KIF15: variants seen among roughly 807,000 people sequenced by gnomAD.
KIF15 encodes kinesin-like protein KIF15.
In KIF15, 140 loss-of-function variants were observed where a neutral mutation model predicts 190.6. The observed-to-expected ratio is 0.73, with a 90% CI of 0.64 to 0.84. KIF15 has a LOEUF of 0.84. Ranked by LOEUF, KIF15 falls within the 40% of genes least tolerant of loss-of-function variation. The pLI is 0.00. For synonymous variants in KIF15, 528 were observed against 551.3 expected, an observed-to-expected ratio of 0.96 and a Z score of 0.59; for missense variants, 1,372 against 1,584.4, an observed-to-expected ratio of 0.87 and a Z score of 2.28.
Position 44,821,800 on chromosome 3 carries a change from T to C in KIF15, c.2550-4239T>C, listed in dbSNP as rs1341659303. On this transcript the variant is annotated intron_variant, in intron 20 of 34. Coordinates refer to ENST00000326047, the MANE Select transcript of KIF15 (RefSeq NM_020242.3). The stretch of plus-strand genomic sequence containing the variant: ...CTGGGAGGTGGAGGTTGTAGCGAGC[T>C]GAGATCACGCCACTGCACTCCAGCC... Among the ~76,000 whole-genome samples, 8 of 152,292 alleles carry C rather than the reference T, an allele frequency of 5.3e-5. No individual in the cohort carries two copies. The East Asian group carries it at 1.4e-3, about 26-fold the overall frequency.
At chr3:44,827,071 A>C in intron 22 of KIF15, 1 of 457,010 alleles carries the variant, frequency 2.2e-6, no homozygotes, top group South Asian at 1.6e-5. Flanking sequence ...TCATTTATTC[A>C]AACATTTATT....
At chr3:44,807,301 T>A (rs1707552398) in intron 16 of KIF15, among the ~76,000 whole-genome samples, 1 of 151,914 alleles carries the variant, frequency 6.6e-6, no homozygotes, top group South Asian at 2.1e-4. Flanking sequence ...CTTGGCTCAC[T>A]GCAACCTCTG....
intron 14 of KIF15, 85 bp from the exon 15 acceptor site, chr3:44,804,942 C>A: frequency 7.3e-7 from 1 of 1,364,972 alleles, no homozygotes; most frequent in Non-Finnish European, 1.0e-6. Context: ...TTGTGAATAG[C>A]CACTGCACTC....
chr3:44,807,645 T>C (rs537866547), intron 16 of KIF15, among the ~76,000 whole-genome samples: 33 of 152,278 alleles, frequency 2.2e-4, no homozygotes, highest in Middle Eastern at 6.8e-3. Flanking sequence ...AAGTATTTTC[T>C]CACTTTACAC....
At chr3:44,780,643 T>C (rs1222588486) in intron 4 of KIF15, among the ~76,000 whole-genome samples, 3 of 152,152 alleles carry the variant, frequency 2.0e-5, no homozygotes, top group Non-Finnish European at 2.9e-5. Flanking sequence ...AAAAATTAAA[T>C]GAAAACTCTG....
At chr3:44,839,286 T>C (rs984270808) in intron 27 of KIF15, among the ~76,000 whole-genome samples, 6 of 151,730 alleles carry the variant, frequency 4.0e-5, no homozygotes, top group African/African-American at 1.5e-4. Context: ...GGCAGGAGAA[T>C]GGTGTGAACC....
At chr3:44,762,520 GTGTACGT>G (rs779245855) in intron 1 of KIF15, among the ~76,000 whole-genome samples, 17 of 152,190 alleles carry the variant, frequency 1.1e-4, no homozygotes, top group Admixed American at 3.3e-4. Context: ...TGCTGTGCCT[GTGTACGT>G]GCTCCACTTC....
chr3:44,795,297 C>T (rs1435846923), intron 8 of KIF15, among the ~76,000 whole-genome samples: 3 of 151,980 alleles, frequency 2.0e-5, no homozygotes, highest in Admixed American at 2.0e-4. Flanking sequence ...GGCAGGGGGG[C>T]ATCTCAAGGG....
intron 8 of KIF15, among the ~76,000 whole-genome samples, chr3:44,795,751 A>G (rs866351864): frequency 6.6e-6 from 1 of 152,190 alleles, no homozygotes; most frequent in African/African-American, 2.4e-5. Flanking sequence ...TAGAATATAC[A>G]TGGGCAAGGG....
chr3:44,854,983 G>A (rs1478894481), downstream of KIF15, among the ~76,000 whole-genome samples: 1 of 152,136 alleles, frequency 6.6e-6, no homozygotes, highest in Non-Finnish European at 1.5e-5. Context: ...TCTTTTTAAG[G>A]GACACAATTC....
rs73829685 is a variant in KIF15 at position 44,802,708 on chromosome 3, C to T, written c.1510-106C>T. 3.9e-4 allele frequency: 436 copies of T among 1,109,178 alleles called. No individual in the cohort carries two copies. The African/African-American group carries it at 6.2e-3, about 16-fold the overall frequency. The allele number at this position is 1,109,178 out of a possible 1,614,324, so 68.7% of individuals were successfully genotyped here. On this transcript the variant is annotated intron_variant, in intron 13 of 34. Transcript: ENST00000326047. ...CATGGTGGTTGCAGAAGGGTACCACCAGTAGTGCATGTGCATACCTAGTTT... is the reference window on the plus strand; with the variant it reads ...CATGGTGGTTGCAGAAGGGTACCACTAGTAGTGCATGTGCATACCTAGTTT...
intron 16 of KIF15, among the ~76,000 whole-genome samples, chr3:44,807,838 TATA>T (rs548930811): frequency 1.5e-3 from 227 of 152,316 alleles, no homozygotes; most frequent in African/African-American, 5.2e-3. Flanking sequence ...TATGTGGATA[TATA>T]ATGATTTATT....
intron 1 of KIF15, among the ~76,000 whole-genome samples, chr3:44,764,624 G>A (rs1481361353): frequency 6.6e-6 from 1 of 152,058 alleles, no homozygotes; most frequent in Non-Finnish European, 1.5e-5. Flanking sequence ...TACAGTGAAT[G>A]CCTATAGACT....
Position 44,763,539 on chromosome 3 carries a change from A to T in KIF15, c.19+1655A>T, listed in dbSNP as rs544369073. On this transcript the variant is annotated intron_variant, in intron 1 of 34. Coordinates refer to ENST00000326047, the MANE Select transcript of KIF15 (RefSeq NM_020242.3). ...ATGGTCTCGATCTCCTGACCTCGTG[A>T]TTTGCCCACCTTGGCCTCCCAAAGT... 1.8e-3 allele frequency among the ~76,000 whole-genome samples: 269 copies of T among 151,740 alleles called. 1 individual carries two copies. Among genetic ancestry groups the T allele is most frequent in the Non-Finnish European group, 3.3e-3 (223 of 67,918 alleles).
chr3:44,764,803 T>A (rs1325678684), intron 1 of KIF15, among the ~76,000 whole-genome samples: 1 of 152,058 alleles, frequency 6.6e-6, no homozygotes, highest in Non-Finnish European at 1.5e-5. Context: ...AGCCTGGCTA[T>A]TTTTTATATT....
At chr3:44,806,062 G>C in intron 16 of KIF15, 76 bp downstream of exon 16, 1 of 1,484,792 alleles carries the variant, frequency 6.7e-7, no homozygotes, top group Non-Finnish European at 9.2e-7. Flanking sequence ...AGTCTGCATG[G>C]TCTATCTCCA....
intron 6 of KIF15, among the ~76,000 whole-genome samples, chr3:44,868,340 ATTATGT>A (rs1425922373): frequency 6.6e-6 from 1 of 151,918 alleles, no homozygotes; most frequent in African/African-American, 2.4e-5. Flanking sequence ...GATCTACCAC[ATTATGT>A]TTATACATTC....
intron 27 of KIF15, among the ~76,000 whole-genome samples, chr3:44,839,273 T>C (rs1698475473): frequency 6.6e-6 from 1 of 151,752 alleles, no homozygotes; most frequent in Admixed American, 6.6e-5. Context: ...TCGGGAAGGC[T>C]GAGGCAGGAG....
chr3:44,840,655 ATTTTTTTTTTTTTTTT>A (rs60621752), intron 28 of KIF15, among the ~76,000 whole-genome samples, 199 bp downstream of exon 28: 104 of 67,092 alleles, frequency 1.6e-3, no homozygotes, highest in African/African-American at 5.3e-3. Flanking sequence ...TAAGCAGCGG[ATTTTTTTTTTTTTTTT>A]TTTTTTTTTT....
Sources: allele counts gnomAD v4.1 joint callset (sites outside exome capture counted in the v4.1 genomes callset), GRCh38; gene constraint gnomAD v4.1.1; transcripts MANE v1.5; gene names NCBI Gene and HGNC (gene_info 2026-07-23, HGNC 2026-07-21).